The following LHPP variants were observed in gnomAD, a reference collection of about 807,000 sequenced individuals.
LHPP encodes hLHPP.
LHPP carries 24 observed loss-of-function variants against 30.3 expected under a neutral mutation model. The observed-to-expected ratio is 0.79, with a 90% CI of 0.57 to 1.11. The LOEUF (loss-of-function observed/expected upper bound fraction) is 1.11. LHPP is among the 50% of genes most tolerant of loss of function. The probability of loss-of-function intolerance (pLI) is 0.00; values close to 1 mark genes in which losing one functional copy is unlikely to be tolerated. For synonymous variants in LHPP, 150 were observed against 157.1 expected, an observed-to-expected ratio of 0.95 and a Z score of 0.34; for missense variants, 356 against 367.2, an observed-to-expected ratio of 0.97 and a Z score of 0.25.
intron 6 of LHPP, among the ~76,000 whole-genome samples, chr10:124,554,578 C>G (rs902577763): frequency 1.3e-5 from 2 of 152,244 alleles, no homozygotes; most frequent in Non-Finnish European, 2.9e-5. Context: ...AGAGCCACTG[C>G]TTCATTAATG....
At chr10:124,568,105 G>A (rs1033601694) in intron 6 of LHPP, among the ~76,000 whole-genome samples, 15 of 152,036 alleles carry the variant, frequency 9.9e-5, no homozygotes, top group Admixed American at 1.3e-4. Flanking sequence ...CAGTAGAGAC[G>A]GGGTTTCACC....
chr10:124,605,822 A>G (rs1187614261), intron 6 of LHPP, among the ~76,000 whole-genome samples: 2 of 45,476 alleles, frequency 4.4e-5, no homozygotes, highest in African/African-American at 8.6e-5. Flanking sequence ...AGAGGGGGCC[A>G]GGCAGGAGGG....
chr10:124,576,190 T>G lies in LHPP; in HGVS notation c.717-37074T>G, dbSNP rs1253623604. ...ATGAGATTATAATTGTACTGCCTAA[T>G]AGAGTGCTCACACATGTTAAAACTA... On this transcript the variant is annotated intron_variant, in intron 6 of 6. Coordinates refer to ENST00000368842, the MANE Select transcript of LHPP (RefSeq NM_022126.4). The surrounding 1 kb of genome is among the most constrained non-coding windows in gnomAD (Gnocchi z 4.2). Among the ~76,000 whole-genome samples the G allele has an allele frequency of 6.6e-6, 1 of 152,118 alleles. No homozygotes were observed. Among genetic ancestry groups the G allele is most frequent in the South Asian group, 2.1e-4 (1 of 4,828 alleles).
At chr10:124,511,638 A>G (rs1462846916) in intron 5 of LHPP, among the ~76,000 whole-genome samples, 2 of 152,072 alleles carry the variant, frequency 1.3e-5, no homozygotes, top group Non-Finnish European at 2.9e-5. Flanking sequence ...ACTATGATAC[A>G]TGTCGAGTCC....
intron 5 of LHPP, among the ~76,000 whole-genome samples, chr10:124,515,851 GGT>G (rs1201846825): frequency 6.6e-6 from 1 of 152,198 alleles, no homozygotes; most frequent in Non-Finnish European, 1.5e-5. Flanking sequence ...CTAGTTATTT[GGT>G]GTGATTCTTT....
intron 6 of LHPP, among the ~76,000 whole-genome samples, chr10:124,600,920 G>C (rs1949012609): frequency 6.6e-6 from 1 of 152,252 alleles, no homozygotes. Flanking sequence ...TCTCAGTGTG[G>C]AGGTGGCAGC....
intron 6 of LHPP, among the ~76,000 whole-genome samples, chr10:124,575,998 G>A (rs918596077): frequency 6.6e-6 from 1 of 152,206 alleles, no homozygotes; most frequent in Non-Finnish European, 1.5e-5. Flanking sequence ...GGGGCCTGCT[G>A]TGATACATAC....
chr10:124,493,007 G>A (rs1265380896), intron 3 of LHPP, among the ~76,000 whole-genome samples: 2 of 151,822 alleles, frequency 1.3e-5, no homozygotes, highest in East Asian at 3.9e-4. Context: ...GGGCAGCATA[G>A]TAAGATTCCG....
intron 6 of LHPP, among the ~76,000 whole-genome samples, chr10:124,538,236 C>G (rs1299348696): frequency 6.6e-6 from 1 of 152,166 alleles, no homozygotes; most frequent in Non-Finnish European, 1.5e-5. Flanking sequence ...TGTGGGGCTT[C>G]AGGAGCTTGC....
chr10:124,517,160 G>A lies in LHPP; in HGVS notation c.625-20G>A, dbSNP rs771774179. ...AACTCTCCTGACATCACTTCTGAGC[G>A]TATTTCACTGCCGTGACAGGCCGTC... On this transcript the variant is annotated intron_variant, in intron 5 of 6. Transcript: ENST00000368842. This position sits in a 1 kb window ranked among gnomAD's most constrained non-coding sequence, Gnocchi z 4.1. The A allele has an allele frequency of 1.3e-4, 206 of 1,569,220 alleles. 1 individual carries two copies. The highest frequency in any genetic ancestry group is 1.7e-4 in the Non-Finnish European group (195 of 1,152,992).
At chr10:124,467,561 A>G (rs1464506859) in intron 1 of LHPP, among the ~76,000 whole-genome samples, 3 of 143,646 alleles carry the variant, frequency 2.1e-5, no homozygotes, top group Non-Finnish European at 4.5e-5. Flanking sequence ...TCTGTCTCCC[A>G]GGCTGGAGTG....
Position 124,613,129 on chromosome 10 carries a change from C to T in LHPP, c.717-135C>T, listed in dbSNP as rs576201069. On this transcript the variant is annotated intron_variant, in intron 6 of 6. Transcript: ENST00000368842. Reference sequence around the variant, plus strand: ...GGAGGAGGGGGATGGCCAGTGGCCACGGGCCAGGCTGCCTGGCAGGACCTG... The same window carrying T: ...GGAGGAGGGGGATGGCCAGTGGCCATGGGCCAGGCTGCCTGGCAGGACCTG... 602 of 722,258 alleles carry T rather than the reference C, an allele frequency of 8.3e-4. 1 individual carries two copies. Among genetic ancestry groups the T allele is most frequent in the Non-Finnish European group, 1.1e-3 (446 of 402,302 alleles). The allele number at this position is 722,258 out of a possible 1,614,324, so 44.7% of individuals were successfully genotyped here.
intron 6 of LHPP, among the ~76,000 whole-genome samples, chr10:124,556,727 A>G (rs942117965): frequency 2.0e-5 from 3 of 152,190 alleles, no homozygotes; most frequent in Non-Finnish European, 2.9e-5. Context: ...CGCCTCCATC[A>G]ATGGGAAAAG....
At position 124,599,717 on chromosome 10, in the gene LHPP, G is replaced by A. The variant is rs947099012; in HGVS notation, c.717-13547G>A. Reference sequence around the variant, plus strand: ...TCTGGACATGCTGTGGGTGTCCTGGGGAATGTGCTGGCCCACTGCTTGGGG... The same window carrying A: ...TCTGGACATGCTGTGGGTGTCCTGGAGAATGTGCTGGCCCACTGCTTGGGG... On this transcript the variant is annotated intron_variant, in intron 6 of 6. Coordinates refer to ENST00000368842, the MANE Select transcript of LHPP (RefSeq NM_022126.4). Among the ~76,000 whole-genome samples the A allele has an allele frequency of 3.3e-5, 5 of 152,356 alleles. No individual in the cohort carries two copies. The South Asian group carries it at 8.3e-4, about 25-fold the overall frequency.
chr10:124,570,770 G>A (rs3891517), intron 6 of LHPP, among the ~76,000 whole-genome samples: 32,650 of 152,158 alleles, frequency 0.21, 3,742 homozygotes, highest in East Asian at 0.34. Flanking sequence ...TGTCTTGACC[G>A]TTCATCTGTG....
At chr10:124,583,723 T>C (rs1462600401) in intron 6 of LHPP, among the ~76,000 whole-genome samples, 1 of 152,136 alleles carries the variant, frequency 6.6e-6, no homozygotes, top group African/African-American at 2.4e-5. Flanking sequence ...ATCGCAAATA[T>C]GGCACCAAGC....
chr10:124,512,301 T>C (rs1488362586), intron 5 of LHPP, among the ~76,000 whole-genome samples: 1 of 152,162 alleles, frequency 6.6e-6, no homozygotes, highest in Non-Finnish European at 1.5e-5. Context: ...ACGAAACATT[T>C]CCTCATGTTT....
intron 6 of LHPP, among the ~76,000 whole-genome samples, chr10:124,588,824 C>A (rs1564843426): frequency 6.6e-6 from 1 of 152,162 alleles, no homozygotes; most frequent in Non-Finnish European, 1.5e-5. Context: ...CCTCCTCTGA[C>A]AGTCAGGTCC....
rs1397324728 is a variant in LHPP, at chr10:124,496,708, C to T, written c.468-253C>T. ...CCCCACGAGTCTGACAGCAGGGTTG[C>T]GTTCTGTGCGACCTGTGGCATCCCT... On this transcript the variant is annotated intron_variant, in intron 3 of 6. Transcript: ENST00000368842. The surrounding 1 kb of genome is among the most constrained non-coding windows in gnomAD (Gnocchi z 4.3). 6.6e-6 allele frequency among the ~76,000 whole-genome samples: 1 copy of T among 152,228 alleles called. No individual in the cohort carries two copies. The highest frequency in any genetic ancestry group is 1.5e-5 in the Non-Finnish European group (1 of 68,036).
Sources: gnomAD v4.1 joint callset for allele counts (sites outside exome capture counted in the v4.1 genomes callset) on GRCh38, gnomAD v4.1.1 for gene constraint, Gnocchi (gnomAD v3.1) non-coding constraint, MANE v1.5 for transcripts, NCBI Gene and HGNC (gene_info 2026-07-23, HGNC 2026-07-21) for gene names.